Variants in AFG1L observed in about 807,000 individuals in gnomAD.
The protein encoded by AFG1L is AFG1-like ATPase.
A neutral mutation model predicts 62.2 loss-of-function variants in AFG1L; 53 were observed. That is an observed-to-expected ratio of 0.85 (90% CI 0.68 to 1.07). AFG1L has a LOEUF of 1.07. Ranked by LOEUF, AFG1L falls within the 50% of genes least tolerant of loss-of-function variation. The pLI is 0.00. For synonymous variants in AFG1L, 228 were observed against 210.3 expected (o/e 1.08, Z -0.73); for missense variants, 555 against 590.5 (o/e 0.94, Z 0.62).
chr6:108,433,539 G>A (rs760075824), intron 7 of AFG1L, among the ~76,000 whole-genome samples: 3 of 146,708 alleles, frequency 2.0e-5, no homozygotes, highest in Admixed American at 6.8e-5. Context: ...CACCCACCTC[G>A]GCCTCCCAAA....
chr6:108,311,976 T>C lies in AFG1L; in HGVS notation c.140-11849T>C, dbSNP rs150101809. On this transcript the variant is annotated intron_variant, in intron 1 of 12. Coordinates refer to ENST00000368977, the MANE Select transcript of AFG1L (RefSeq NM_145315.5). Reference sequence around the variant, plus strand: ...GCCTCCTGGGTTCAAGTGATTCTCATGCCTCAGCCTCCCGAGTAGCTGGGA... The same window carrying C: ...GCCTCCTGGGTTCAAGTGATTCTCACGCCTCAGCCTCCCGAGTAGCTGGGA... 6.0e-3 allele frequency among the ~76,000 whole-genome samples: 912 copies of C among 152,120 alleles called. 3 individuals carry two copies. The highest frequency in any genetic ancestry group is 9.7e-3 in the Non-Finnish European group (660 of 67,990).
Position 108,452,328 on chromosome 6 carries a change from C to G in AFG1L, c.890+5032C>G, listed in dbSNP as rs754936609. Among the ~76,000 whole-genome samples, 3 of 152,302 alleles carry G rather than the reference C, an allele frequency of 2.0e-5. No individual in the cohort carries two copies. In the South Asian group the frequency reaches 6.2e-4, roughly 32 times the overall value. Reference sequence around the variant, plus strand: ...TGATATGCTTCCCCAGGCCATTTTGCTATCCCTATTGTGAAGCGTTACTGG... The same window carrying G: ...TGATATGCTTCCCCAGGCCATTTTGGTATCCCTATTGTGAAGCGTTACTGG... On this transcript the variant is annotated intron_variant, in intron 8 of 12. Coordinates refer to ENST00000368977, the MANE Select transcript of AFG1L (RefSeq NM_145315.5).
chr6:108,429,105 A>G (rs1018937663), intron 7 of AFG1L, among the ~76,000 whole-genome samples: 1 of 152,102 alleles, frequency 6.6e-6, no homozygotes, highest in Admixed American at 6.6e-5. Context: ...AGGGATAGGG[A>G]TCCAGTTTTA....
chr6:108,523,537 T>C lies in AFG1L; in HGVS notation c.*1112T>C, dbSNP rs1775208001. The C allele has an allele frequency of 6.6e-6, 1 of 152,150 alleles. No individual in the cohort carries two copies. The highest frequency in any genetic ancestry group is 1.5e-5 in the Non-Finnish European group (1 of 68,024). The allele number at this position is 152,150 out of a possible 1,614,324, so 9.4% of individuals were successfully genotyped here. A position where few individuals can be genotyped will look rare whatever the true frequency, so the allele number is the denominator to read the frequency against. On this transcript the variant is annotated 3_prime_UTR_variant, in exon 13 of 13. Transcript: ENST00000368977. ...AAAATCCACAAAATCTTGTGAAAAT[T>C]AAGCATTTGGGGGAAGGTAAGGCAT...
chr6:108,445,708 A>T (rs1277984318), intron 7 of AFG1L, among the ~76,000 whole-genome samples: 1 of 150,644 alleles, frequency 6.6e-6, no homozygotes, highest in Non-Finnish European at 1.5e-5. Flanking sequence ...AGCAGTCAGA[A>T]TGCAAACAGC....
Position 108,510,082 on chromosome 6 carries a change from T to C in AFG1L, c.1063-130T>C, listed in dbSNP as rs535937592. 53 of 629,860 alleles carry C rather than the reference T, an allele frequency of 8.4e-5. No homozygotes were observed. The East Asian group carries it at 1.4e-3, about 17-fold the overall frequency. 39.0% of individuals were successfully genotyped at this position (629,860 alleles called of 1,614,324 possible). On this transcript the variant is annotated intron_variant, in intron 10 of 12. Coordinates refer to ENST00000368977, the MANE Select transcript of AFG1L (RefSeq NM_145315.5). ...CTAGGGCAACTGCCTATGGGTAACT[T>C]GGTCAAGTTACCCACAGCTACCACC...
intron 10 of AFG1L, among the ~76,000 whole-genome samples, chr6:108,495,837 G>A (rs1773955257): frequency 6.6e-6 from 1 of 152,168 alleles, no homozygotes; most frequent in South Asian, 2.1e-4. Flanking sequence ...TCGAGTAAGT[G>A]GATTTTAATT....
At chr6:108,464,788 C>CAAA (rs71015548) in intron 8 of AFG1L, among the ~76,000 whole-genome samples, 1 of 151,422 alleles carries the variant, frequency 6.6e-6, no homozygotes, top group Non-Finnish European at 1.5e-5. Flanking sequence ...AAAAAACAAA[C>CAAA]AAAAAAAACA....
At chr6:108,373,587 A>ATTT (rs879277202) in intron 6 of AFG1L, among the ~76,000 whole-genome samples, 2 of 133,392 alleles carry the variant, frequency 1.5e-5, no homozygotes, top group Admixed American at 7.5e-5. Context: ...TAGTTCTGAG[A>ATTT]TTTTTTTTTT....
rs533966974 is a variant in AFG1L at position 108,333,279 on chromosome 6, G to A, written c.363+9231G>A. Reference sequence around the variant, plus strand: ...ACAAAAATTAGCCAGGTGTGGTGGCGGGCGCCTGTAATTCCAGGTACTCAG... The same window carrying A: ...ACAAAAATTAGCCAGGTGTGGTGGCAGGCGCCTGTAATTCCAGGTACTCAG... On this transcript the variant is annotated intron_variant, in intron 2 of 12. Coordinates refer to ENST00000368977, the MANE Select transcript of AFG1L (RefSeq NM_145315.5). Among the ~76,000 whole-genome samples, 4 of 152,016 alleles carry A rather than the reference G, an allele frequency of 2.6e-5. No individual in the cohort carries two copies. In the South Asian group the frequency reaches 6.2e-4, roughly 24 times the overall value.
intron 8 of AFG1L, among the ~76,000 whole-genome samples, chr6:108,458,578 A>G (rs1374710796): frequency 2.0e-5 from 3 of 152,052 alleles, no homozygotes; most frequent in African/African-American, 7.3e-5. Flanking sequence ...GCCTCTCAGT[A>G]GTTGGGACTA....
intron 7 of AFG1L, among the ~76,000 whole-genome samples, chr6:108,432,062 A>C (rs1771101949): frequency 6.6e-6 from 1 of 150,388 alleles, no homozygotes; most frequent in Non-Finnish European, 1.5e-5. Flanking sequence ...GGTTATTATT[A>C]TTTTTGGTTC....
chr6:108,466,778 A>T lies in AFG1L; in HGVS notation c.891-10087A>T, dbSNP rs546097700. On this transcript the variant is annotated intron_variant, in intron 8 of 12. Coordinates refer to ENST00000368977, the MANE Select transcript of AFG1L (RefSeq NM_145315.5). ...TTGTTAAAATATATATATTTTAAAA[A>T]ATATATATATTTTAAACTATATATA... Among the ~76,000 whole-genome samples the T allele has an allele frequency of 7.0e-3, 1,031 of 148,016 alleles. 1 individual carries two copies. Among genetic ancestry groups the T allele is most frequent in the African/African-American group, 9.6e-3 (392 of 40,878 alleles).
chr6:108,461,701 C>T (rs1772467767), intron 8 of AFG1L, among the ~76,000 whole-genome samples: 1 of 152,174 alleles, frequency 6.6e-6, no homozygotes. Context: ...TCAAGCAATC[C>T]ACCTGCCTTA....
intron 1 of AFG1L, among the ~76,000 whole-genome samples, chr6:108,313,759 T>C (rs1431250633): frequency 6.6e-6 from 1 of 152,150 alleles, no homozygotes; most frequent in East Asian, 1.9e-4. Context: ...AGGCTGGTCC[T>C]GAACTCCTGG....
At chr6:108,370,225 C>T (rs62428860) in intron 6 of AFG1L, among the ~76,000 whole-genome samples, 10,569 of 152,146 alleles carry the variant, frequency 0.069, 527 homozygotes, top group Non-Finnish European at 0.11. Context: ...TGAAGCTTAT[C>T]TTAAGCAGGG....
At chr6:108,309,159 AC>A (rs1777313986) in intron 1 of AFG1L, among the ~76,000 whole-genome samples, 1 of 152,140 alleles carries the variant, frequency 6.6e-6, no homozygotes, top group Admixed American at 6.5e-5. Flanking sequence ...GATCTATGAT[AC>A]CTCTGGAATT....
chr6:108,377,716 A>C (rs1780308626), intron 6 of AFG1L, among the ~76,000 whole-genome samples: 1 of 151,338 alleles, frequency 6.6e-6, no homozygotes. Flanking sequence ...TGGTGACTAT[A>C]TATGTCTTGG....
At chr6:108,326,067 G>A (rs971956135) in intron 2 of AFG1L, among the ~76,000 whole-genome samples, 10 of 152,110 alleles carry the variant, frequency 6.6e-5, no homozygotes, top group African/African-American at 1.7e-4. Context: ...ATGAGCCACT[G>A]TGCCTGGCCT....
Sources: allele counts gnomAD v4.1 joint callset (sites outside exome capture counted in the v4.1 genomes callset), GRCh38; gene constraint gnomAD v4.1.1; transcripts MANE v1.5; gene names NCBI Gene and HGNC (gene_info 2026-07-23, HGNC 2026-07-21).